Variants in LRFN5 observed in about 807,000 individuals in gnomAD.
LRFN5 encodes leucine rich repeat and fibronectin type III domain containing 5, also known as leucine-rich repeat and fibronectin type-III domain-containing protein 5.
Under a neutral mutation model 45.6 loss-of-function variants are expected in LRFN5, and 24 were observed. The ratio of observed to expected loss-of-function variants is 0.53; its 90% CI spans 0.38 to 0.74. The LOEUF is 0.74. Ranked by LOEUF, LRFN5 falls within the 30% of genes least tolerant of loss-of-function variation. LRFN5 has a pLI of 0.00. For missense variants in LRFN5, 776 were observed against 861.5 expected (o/e 0.90, Z 1.24); for synonymous variants, 340 against 313.8 (o/e 1.08, Z -0.88).
chr14:41,825,816 C>T (rs1363526646), intron 2 of LRFN5, among the ~76,000 whole-genome samples: 1 of 152,160 alleles, frequency 6.6e-6, no homozygotes, highest in Non-Finnish European at 1.5e-5. Context: ...CTCAAATCGC[C>T]ACCCACACCA....
intron 4 of LRFN5, chr14:41,892,254 T>C (rs1418115449): frequency 1.0e-6 from 1 of 984,650 alleles, no homozygotes. Flanking sequence ...GAATTTGCAA[T>C]TCCAATGCTG....
chr14:41,662,719 G>GT (rs1422933409), intron 1 of LRFN5, among the ~76,000 whole-genome samples: 2 of 152,014 alleles, frequency 1.3e-5, no homozygotes, highest in Admixed American at 1.3e-4. Flanking sequence ...CTCTGCAGCT[G>GT]TTTATCATCA....
chr14:41,762,884 A>G (rs933327135), intron 1 of LRFN5, among the ~76,000 whole-genome samples: 1 of 152,118 alleles, frequency 6.6e-6, no homozygotes, highest in South Asian at 2.1e-4. Context: ...ATCATTTTTA[A>G]CACAAAGTAA....
At chr14:41,622,618 A>G (rs951467319) in intron 1 of LRFN5, among the ~76,000 whole-genome samples, 2 of 152,142 alleles carry the variant, frequency 1.3e-5, no homozygotes, top group Admixed American at 6.6e-5. Flanking sequence ...GGTTGTGGAA[A>G]TATAATCATC....
At position 41,663,334 on chromosome 14, in the gene LRFN5, G is replaced by A. The variant is rs115168626; in HGVS notation, c.-197+54772G>A. Among the ~76,000 whole-genome samples the A allele has an allele frequency of 4.5e-3, 689 of 152,074 alleles. 6 individuals carry two copies. The highest frequency in any genetic ancestry group is 0.016 in the African/African-American group (652 of 41,520). On this transcript the variant is annotated intron_variant, in intron 1 of 5. Transcript: ENST00000298119. ...TGCATCCTTTGATGTCAGTAGATTGGTGTTTAACAGAAAAGCCAACCAGAA... is the reference window on the plus strand; with the variant it reads ...TGCATCCTTTGATGTCAGTAGATTGATGTTTAACAGAAAAGCCAACCAGAA...
intron 1 of LRFN5, among the ~76,000 whole-genome samples, chr14:41,619,129 T>C (rs1888027003): frequency 6.6e-6 from 1 of 152,138 alleles, no homozygotes; most frequent in Admixed American, 6.6e-5. Flanking sequence ...TTCAGTGTGG[T>C]ATTCTGTAAT....
chr14:41,726,184 C>A (rs970308869), intron 1 of LRFN5, among the ~76,000 whole-genome samples: 3 of 152,060 alleles, frequency 2.0e-5, no homozygotes, highest in Non-Finnish European at 4.4e-5. Context: ...GATACATAGT[C>A]TTTGTTCCTT....
At chr14:41,625,565 A>G (rs148506586) in intron 1 of LRFN5, among the ~76,000 whole-genome samples, 3 of 152,322 alleles carry the variant, frequency 2.0e-5, no homozygotes, top group African/African-American at 7.2e-5. Context: ...AAGTAATAGT[A>G]TACAGGTATG....
At chr14:41,680,512 C>T (rs1257825622) in intron 1 of LRFN5, among the ~76,000 whole-genome samples, 1 of 152,108 alleles carries the variant, frequency 6.6e-6, no homozygotes. Flanking sequence ...CGGAGATGAC[C>T]AAGGTGGTCC....
At chr14:41,710,517 T>G (rs1402167552) in intron 1 of LRFN5, among the ~76,000 whole-genome samples, 1 of 152,166 alleles carries the variant, frequency 6.6e-6, no homozygotes, top group Non-Finnish European at 1.5e-5. Flanking sequence ...TACTGTTTTA[T>G]GAAGATAATA....
At position 41,865,326 on chromosome 14, in the gene LRFN5, TGCA is replaced by T. The variant is rs1889802445; in HGVS notation, c.-20-21278_-20-21276del. On this transcript the variant is annotated intron_variant, in intron 2 of 5. Coordinates refer to ENST00000298119, the MANE Select transcript of LRFN5 (RefSeq NM_152447.5). ...CACATATAAATGGAATTGTATTATA[TGCA>T]GTATTTTTTGACAGGCTGTTTTTAT... is the stretch of plus-strand genomic sequence containing the variant. Among the ~76,000 whole-genome samples the T allele has an allele frequency of 1.3e-5, 2 of 152,206 alleles. 1 individual carries two copies. Among genetic ancestry groups the T allele is most frequent in the Non-Finnish European group, 2.9e-5 (2 of 68,020 alleles).
At position 41,797,001 on chromosome 14, in the gene LRFN5, A is replaced by G. The variant is rs374433677; in HGVS notation, c.-21+29972A>G. On this transcript the variant is annotated intron_variant, in intron 2 of 5. Coordinates refer to ENST00000298119, the MANE Select transcript of LRFN5 (RefSeq NM_152447.5). ...CTTGTCTTTAAATTGATAAGTAAGA[A>G]TATTTATCTCGTGTACTTTCTGCTC... 1.2e-4 allele frequency among the ~76,000 whole-genome samples: 18 copies of G among 152,004 alleles called. No homozygotes were observed. The East Asian group carries it at 1.4e-3, about 11-fold the overall frequency.
chr14:41,610,833 T>C (rs1887732147), intron 1 of LRFN5, among the ~76,000 whole-genome samples: 1 of 151,928 alleles, frequency 6.6e-6, no homozygotes, highest in Non-Finnish European at 1.5e-5. Context: ...CAGAAAATCT[T>C]AGAAATCTGA....
At chr14:41,882,446 C>T (rs564935302) in intron 2 of LRFN5, among the ~76,000 whole-genome samples, 52 of 152,242 alleles carry the variant, frequency 3.4e-4, no homozygotes, top group Middle Eastern at 3.4e-3. Flanking sequence ...TATTTTTCTT[C>T]TAGTTCCTCT....
chr14:41,899,671 A>G (rs1891047039), intron 5 of LRFN5, among the ~76,000 whole-genome samples: 1 of 152,138 alleles, frequency 6.6e-6, no homozygotes, highest in Non-Finnish European at 1.5e-5. Context: ...TTCTGCTTTT[A>G]ACAGTTCTAA....
At chr14:41,692,216 C>T (rs757306953) in intron 1 of LRFN5, among the ~76,000 whole-genome samples, 59 of 151,970 alleles carry the variant, frequency 3.9e-4, no homozygotes, top group Non-Finnish European at 7.5e-4. Flanking sequence ...TTATTTGCTC[C>T]ACATCATTGC....
chr14:41,846,986 T>A (rs1331427525), intron 2 of LRFN5, among the ~76,000 whole-genome samples: 1 of 152,172 alleles, frequency 6.6e-6, no homozygotes, highest in Non-Finnish European at 1.5e-5. Context: ...TTTTGCTGTG[T>A]AAAGTAACAT....
intron 1 of LRFN5, among the ~76,000 whole-genome samples, chr14:41,720,578 G>A (rs1883675045): frequency 6.6e-6 from 1 of 151,960 alleles, no homozygotes; most frequent in South Asian, 2.1e-4. Context: ...TTGGTTTGTT[G>A]TGTCTCTGTT....
At chr14:41,683,582 G>A (rs1433934979) in intron 1 of LRFN5, among the ~76,000 whole-genome samples, 1 of 151,868 alleles carries the variant, frequency 6.6e-6, no homozygotes, top group Non-Finnish European at 1.5e-5. Context: ...TATTAGAACT[G>A]ATAAACAAGT....
Sources: gnomAD v4.1 joint callset for allele counts (sites outside exome capture counted in the v4.1 genomes callset) on GRCh38, gnomAD v4.1.1 for gene constraint, MANE v1.5 for transcripts, NCBI Gene and HGNC (gene_info 2026-07-23, HGNC 2026-07-21) for gene names.